The following PTPRN2 variants were observed in gnomAD, a reference collection of about 807,000 sequenced individuals.
PTPRN2 encodes the protein protein tyrosine phosphatase receptor type N2.
A neutral mutation model predicts 118.8 loss-of-function variants in PTPRN2; 74 were observed. That is an observed-to-expected ratio of 0.62 (90% confidence interval 0.52 to 0.76). The LOEUF (loss-of-function observed/expected upper bound fraction) is 0.76, where lower values mean the gene tolerates loss of function less well. Ranked by LOEUF, PTPRN2 falls within the 30% of genes least tolerant of loss-of-function variation. PTPRN2 has a pLI of 0.00. For synonymous variants in PTPRN2, 641 were observed against 608.0 expected (o/e 1.05, Z -0.80); for missense variants, 1,481 against 1,394.4 (o/e 1.06, Z -0.99).
chr7:158,147,821 C>A (rs1251082904), intron 6 of PTPRN2, among the ~76,000 whole-genome samples: 2 of 130,150 alleles, frequency 1.5e-5, no homozygotes, highest in Non-Finnish European at 3.3e-5. Flanking sequence ...CACGTCTTTC[C>A]CCCTCAATGA....
At chr7:158,222,251 C>A (rs1385921601) in intron 3 of PTPRN2, among the ~76,000 whole-genome samples, 1 of 152,042 alleles carries the variant, frequency 6.6e-6, no homozygotes, top group African/African-American at 2.4e-5. Context: ...AATAAATCAT[C>A]CTACCAAAAA....
intron 11 of PTPRN2, among the ~76,000 whole-genome samples, chr7:158,067,817 CGTGG>C (rs1810892840): frequency 6.6e-6 from 1 of 150,994 alleles, no homozygotes; most frequent in African/African-American, 2.4e-5. Context: ...CAGGCTGGGC[CGTGG>C]GCAGCACACT....
rs538250082 is a variant in PTPRN2, at chr7:158,263,132, TAC to T, written c.277+53685_277+53686del. On this transcript the variant is annotated intron_variant, in intron 3 of 22. Coordinates refer to ENST00000389418, the MANE Select transcript of PTPRN2 (RefSeq NM_002847.5). ...CACACACTGCACACACATACACATA[TAC>T]ACACATTCACACACTGCACACAGTC... is the stretch of plus-strand genomic sequence containing the variant. Among the ~76,000 whole-genome samples the T allele has an allele frequency of 3.6e-4, 49 of 136,348 alleles. 1 individual carries two copies. The highest frequency in any genetic ancestry group is 7.4e-4 in the African/African-American group (26 of 35,102). 89.4% of individuals were successfully genotyped at this position (136,348 alleles called of 152,430 possible). A position where few individuals can be genotyped will look rare whatever the true frequency, so the allele number is the denominator to read the frequency against.
At chr7:157,765,944 T>C (rs1383950524) in intron 12 of PTPRN2, among the ~76,000 whole-genome samples, 1 of 134,778 alleles carries the variant, frequency 7.4e-6, no homozygotes, top group Non-Finnish European at 1.6e-5. Context: ...CCATCCACCC[T>C]TCACCCATCC....
intron 11 of PTPRN2, among the ~76,000 whole-genome samples, chr7:158,066,290 C>T (rs1810765138): frequency 6.6e-6 from 1 of 152,218 alleles, no homozygotes; most frequent in Admixed American, 6.5e-5. Context: ...CATTCAAGGC[C>T]TTCTCTGCAA....
At chr7:157,802,196 C>T (rs556324531) in intron 12 of PTPRN2, among the ~76,000 whole-genome samples, 28 of 152,310 alleles carry the variant, frequency 1.8e-4, no homozygotes, top group Admixed American at 1.4e-3. Flanking sequence ...GCGTTGAGGC[C>T]GCGTCGCTGA....
chr7:157,734,404 G>C (rs1800181923), intron 12 of PTPRN2, among the ~76,000 whole-genome samples: 3 of 152,252 alleles, frequency 2.0e-5, no homozygotes, highest in Admixed American at 2.0e-4. Flanking sequence ...GTTTGTTCCA[G>C]GAAAACCCAA....
chr7:157,817,049 C>T (rs951544911), intron 12 of PTPRN2, among the ~76,000 whole-genome samples: 26 of 152,222 alleles, frequency 1.7e-4, no homozygotes, highest in African/African-American at 6.0e-4. Context: ...TGGGCCCTCT[C>T]GCTGCTCAAG....
intron 11 of PTPRN2, among the ~76,000 whole-genome samples, chr7:157,972,700 C>T (rs113500112): frequency 3.3e-4 from 46 of 139,794 alleles, no homozygotes; most frequent in African/African-American, 1.1e-3. Context: ...TCAGAGACCA[C>T]GGGCACTCCA....
intron 9 of PTPRN2, among the ~76,000 whole-genome samples, chr7:158,132,077 GACACACAC>G (rs773917301): frequency 6.8e-6 from 1 of 147,682 alleles, no homozygotes; most frequent in African/African-American, 2.5e-5. Flanking sequence ...ACATCTACCT[GACACACAC>G]ACACACGCAC....
At chr7:158,333,894 T>A (rs796388025) in intron 2 of PTPRN2, among the ~76,000 whole-genome samples, 4,133 of 96,018 alleles carry the variant, frequency 0.043, 2 homozygotes, top group African/African-American at 0.063. Flanking sequence ...CCATAAGAGC[T>A]GACACCCGCA....
rs1426707769 is a variant in PTPRN2, at chr7:158,525,779, C to T, written c.113-35994G>A. On this transcript the variant is annotated intron_variant, in intron 1 of 22. Coordinates refer to ENST00000389418, the MANE Select transcript of PTPRN2 (RefSeq NM_002847.5). The surrounding 1 kb of genome is among the most constrained non-coding windows in gnomAD (Gnocchi z 4.1). ...CTCTGCTGGTCTCTCTCCACGGCAC[C>T]TGCTCCACAGCCACCTCTCTCTGCT... 6.6e-6 allele frequency among the ~76,000 whole-genome samples: 1 copy of T among 152,198 alleles called. No individual in the cohort carries two copies. Among genetic ancestry groups the T allele is most frequent in the African/African-American group, 2.4e-5 (1 of 41,446 alleles).
At chr7:157,754,000 C>T (rs745424006) in intron 12 of PTPRN2, among the ~76,000 whole-genome samples, 9 of 152,258 alleles carry the variant, frequency 5.9e-5, no homozygotes, top group Non-Finnish European at 1.3e-4. Flanking sequence ...GCCTTGGTCT[C>T]TGGTTCCCCG....
At chr7:158,150,694 G>A (rs1306565573) in intron 6 of PTPRN2, among the ~76,000 whole-genome samples, 1 of 152,028 alleles carries the variant, frequency 6.6e-6, no homozygotes, top group Non-Finnish European at 1.5e-5. Context: ...GATCTGTCAT[G>A]CAGAGGGAAG....
At chr7:158,007,020 C>T (rs938758937) in intron 11 of PTPRN2, among the ~76,000 whole-genome samples, 4 of 152,128 alleles carry the variant, frequency 2.6e-5, no homozygotes, top group South Asian at 2.1e-4. Context: ...GTCTGAGGTC[C>T]GGGCTTCGGT....
intron 12 of PTPRN2, among the ~76,000 whole-genome samples, chr7:157,759,230 G>A (rs1221868335): frequency 6.6e-6 from 1 of 152,224 alleles, no homozygotes; most frequent in Non-Finnish European, 1.5e-5. Flanking sequence ...TTAGGTCCGA[G>A]CTAAGTTACG....
At chr7:158,267,647 A>G (rs886715934) in intron 3 of PTPRN2, among the ~76,000 whole-genome samples, 3 of 152,162 alleles carry the variant, frequency 2.0e-5, no homozygotes, top group African/African-American at 7.2e-5. Flanking sequence ...TCCTGGTTAG[A>G]GCCGTTGTGG....
chr7:157,674,380 G>A lies in PTPRN2; in HGVS notation c.2001+8345C>T, dbSNP rs1270254013. On this transcript the variant is annotated intron_variant, in intron 13 of 22. Transcript: ENST00000389418. This position sits in a 1 kb window ranked among gnomAD's most constrained non-coding sequence, Gnocchi z 4.5. The stretch of plus-strand genomic sequence containing the variant: ...CACGTCCTCGAAGTGATCCCCGTTT[G>A]ACATTTGGAAATGACTTTCATCTGC... Among the ~76,000 whole-genome samples the A allele has an allele frequency of 1.3e-5, 2 of 152,230 alleles. No individual in the cohort carries two copies. The highest frequency in any genetic ancestry group is 1.3e-4 in the Admixed American group (2 of 15,294).
At position 157,977,858 on chromosome 7, in the gene PTPRN2, C is replaced by A. The variant is rs1802868099; in HGVS notation, c.1724-79121G>T. On this transcript the variant is annotated intron_variant, in intron 11 of 22. Transcript: ENST00000389418. The surrounding 1 kb of genome is among the most constrained non-coding windows in gnomAD (Gnocchi z 4.6). Reference sequence around the variant, plus strand: ...GGGATCACCCTGACAAGACTGGTGGCAGCTGGGACAAGAGTCGTGGCTGAG... The same window carrying A: ...GGGATCACCCTGACAAGACTGGTGGAAGCTGGGACAAGAGTCGTGGCTGAG... Among the ~76,000 whole-genome samples the A allele has an allele frequency of 6.6e-6, 1 of 151,722 alleles. No individual in the cohort carries two copies. Among genetic ancestry groups the A allele is most frequent in the African/African-American group, 2.4e-5 (1 of 41,348 alleles).
Sources: allele counts gnomAD v4.1 joint callset (sites outside exome capture counted in the v4.1 genomes callset), GRCh38; gene constraint gnomAD v4.1.1; non-coding constraint Gnocchi (gnomAD v3.1); transcripts MANE v1.5; gene names NCBI Gene and HGNC (gene_info 2026-07-23, HGNC 2026-07-21).